Variants in SNTG2 observed in about 807,000 individuals in gnomAD.
The protein encoded by SNTG2 is syntrophin gamma 2.
Under a neutral mutation model 70.9 loss-of-function variants are expected in SNTG2, and 74 were observed. The observed-to-expected ratio is 1.04, with a 90% confidence interval of 0.86 to 1.27. SNTG2 has a LOEUF of 1.27. Ranked by LOEUF, SNTG2 falls within the 50% of genes most tolerant of loss-of-function variation. The pLI is 0.00. For missense variants in SNTG2, 717 were observed against 690.7 expected (o/e 1.04, Z -0.43); for synonymous variants, 278 against 273.8 (o/e 1.02, Z -0.15).
intron 16 of SNTG2, among the ~76,000 whole-genome samples, chr2:1,322,105 C>T (rs902616685): frequency 1.5e-4 from 23 of 152,324 alleles, no homozygotes; most frequent in African/African-American, 5.5e-4. Context: ...CTCTCAATAG[C>T]TGCATCCAGA....
At chr2:995,212 C>A (rs1175277604) in intron 1 of SNTG2, among the ~76,000 whole-genome samples, 1 of 151,988 alleles carries the variant, frequency 6.6e-6, no homozygotes, top group Non-Finnish European at 1.5e-5. Flanking sequence ...CCACAGATAA[C>A]TTTTATCAGA....
intron 1 of SNTG2, among the ~76,000 whole-genome samples, chr2:1,046,577 C>A (rs1269713924): frequency 6.6e-6 from 1 of 152,050 alleles, no homozygotes; most frequent in African/African-American, 2.4e-5. Flanking sequence ...TTGGCATTTG[C>A]TTTTCTGAAA....
intron 15 of SNTG2, among the ~76,000 whole-genome samples, chr2:1,309,632 G>A (rs1680883240): frequency 6.6e-6 from 1 of 152,270 alleles, no homozygotes; most frequent in Admixed American, 6.5e-5. Context: ...GCAATAGTGT[G>A]GAGGCTGAAA....
intron 6 of SNTG2, among the ~76,000 whole-genome samples, chr2:1,143,386 A>G (rs1668879354): frequency 6.6e-6 from 1 of 152,100 alleles, no homozygotes. Flanking sequence ...GTCTTTCTCC[A>G]TGTTCTCCAC....
intron 1 of SNTG2, among the ~76,000 whole-genome samples, chr2:1,019,638 C>A (rs1660047606): frequency 6.6e-6 from 1 of 152,190 alleles, no homozygotes; most frequent in African/African-American, 2.4e-5. Flanking sequence ...ACTCTACAGA[C>A]ATTCTCTAAG....
intron 16 of SNTG2, among the ~76,000 whole-genome samples, chr2:1,325,413 A>G (rs191986311): frequency 5.3e-5 from 8 of 152,350 alleles, no homozygotes; most frequent in South Asian, 2.1e-4. Context: ...GTGATCAGCA[A>G]TGTTTCAAAC....
intron 8 of SNTG2, among the ~76,000 whole-genome samples, chr2:1,193,486 A>G (rs1342055560): frequency 1.3e-5 from 2 of 152,230 alleles, no homozygotes; most frequent in East Asian, 3.8e-4. Context: ...TGAGCAACGC[A>G]TATTTTAGAA....
intron 1 of SNTG2, among the ~76,000 whole-genome samples, chr2:1,072,759 A>T (rs1193683813): frequency 6.6e-6 from 1 of 152,202 alleles, no homozygotes; most frequent in Non-Finnish European, 1.5e-5. Flanking sequence ...GATCTGGGCA[A>T]AGTAAATTGA....
At chr2:1,283,861 C>T (rs1320344746) in intron 14 of SNTG2, among the ~76,000 whole-genome samples, 3 of 152,190 alleles carry the variant, frequency 2.0e-5, no homozygotes, top group Admixed American at 6.5e-5. Context: ...AGTTAAAGAG[C>T]CCGCTGTCTT....
intron 15 of SNTG2, among the ~76,000 whole-genome samples, 171 bp downstream of exon 15, chr2:1,308,757 G>A (rs1393206272): frequency 6.6e-6 from 1 of 152,154 alleles, no homozygotes; most frequent in East Asian, 1.9e-4. Flanking sequence ...AGGGCCCCAG[G>A]ATCGCCACAA....
chr2:964,448 A>G (rs1660460121), intron 1 of SNTG2, among the ~76,000 whole-genome samples: 1 of 152,218 alleles, frequency 6.6e-6, no homozygotes, highest in Non-Finnish European at 1.5e-5. Context: ...CCAGGAGAGC[A>G]GTCCCAAACA....
chr2:1,200,923 A>C (rs1180812532), intron 8 of SNTG2, among the ~76,000 whole-genome samples: 1 of 152,040 alleles, frequency 6.6e-6, no homozygotes, highest in African/African-American at 2.4e-5. Flanking sequence ...TGAGGAGAAA[A>C]TAGAAGTCTT....
intron 9 of SNTG2, among the ~76,000 whole-genome samples, chr2:1,210,192 A>T (rs1196514720): frequency 6.6e-6 from 1 of 152,232 alleles, no homozygotes; most frequent in Non-Finnish European, 1.5e-5. Flanking sequence ...AAGGATGTTT[A>T]TGATCCCATT....
chr2:1,140,873 C>T (rs888792554), intron 6 of SNTG2, among the ~76,000 whole-genome samples: 3 of 152,298 alleles, frequency 2.0e-5, no homozygotes, highest in East Asian at 1.9e-4. Flanking sequence ...ACACCTTTCA[C>T]GGAGCTACCC....
intron 4 of SNTG2, among the ~76,000 whole-genome samples, chr2:1,116,729 CGTGCCCTGGTGTATGG>C (rs1667013298): frequency 2.2e-5 from 1 of 44,990 alleles, no homozygotes; most frequent in Non-Finnish European, 4.5e-5. Context: ...CTGGTGTGTG[CGTGCCCTGGTGTATGG>C]GTGCCGTGGT....
chr2:1,113,566 G>A (rs545155127), intron 4 of SNTG2, among the ~76,000 whole-genome samples: 28 of 149,412 alleles, frequency 1.9e-4, no homozygotes, highest in South Asian at 8.7e-4. Flanking sequence ...GAGGAGGATC[G>A]TGTGTACTAA....
At chr2:1,071,507 G>T (rs1219493434) in intron 1 of SNTG2, among the ~76,000 whole-genome samples, 2 of 107,196 alleles carry the variant, frequency 1.9e-5, no homozygotes, top group Admixed American at 9.9e-5. Context: ...GTGGTGGGGT[G>T]GGGGGAGGGG....
intron 4 of SNTG2, among the ~76,000 whole-genome samples, chr2:1,119,686 T>G (rs867986203): frequency 3.8e-4 from 56 of 149,198 alleles, no homozygotes; most frequent in African/African-American, 7.6e-4. Flanking sequence ...ATACAAAGGG[T>G]GAAAATAAAG....
At chr2:1,163,107 G>GATCCCAACAGGAAGTGAGTGTGGGAAGC (rs1660998435) in intron 6 of SNTG2, 1 of 151,420 alleles carries the variant, frequency 6.6e-6, no homozygotes, top group East Asian at 2.0e-4. Flanking sequence ...GCTTTTGAGG[G>GATCCCAACAGGAAGTGAGTGTGGGAAGC]ATCCCAACAG....
Sources: gnomAD v4.1 joint callset for allele counts (sites outside exome capture counted in the v4.1 genomes callset) on GRCh38, gnomAD v4.1.1 for gene constraint, MANE v1.5 for transcripts, NCBI Gene and HGNC (gene_info 2026-07-23, HGNC 2026-07-21) for gene names.